The following MYRFL variants were observed in gnomAD, a reference collection of about 807,000 sequenced individuals.
MYRFL encodes the protein myelin regulatory factor-like protein.
A neutral mutation model predicts 109.4 loss-of-function variants in MYRFL; 88 were observed. The observed-to-expected ratio is 0.80, with a 90% CI of 0.68 to 0.96. The LOEUF (loss-of-function observed/expected upper bound fraction) is 0.96, where lower values mean the gene tolerates loss of function less well. Among genes scored for constraint, MYRFL ranks in the 40% least tolerant of loss-of-function variants. The pLI is 0.00. For synonymous variants in MYRFL, 324 were observed against 320.9 expected (o/e 1.01, Z -0.10); for missense variants, 957 against 954.9 (o/e 1.00, Z -0.03).
intron 2 of MYRFL, among the ~76,000 whole-genome samples, chr12:69,860,640 C>T (rs952798754): frequency 5.9e-5 from 9 of 151,568 alleles, no homozygotes; most frequent in African/African-American, 2.2e-4. Context: ...CTTCTTTTCC[C>T]CCTTTCCTGC....
At chr12:69,929,931 A>C (rs1229399776) in intron 15 of MYRFL, among the ~76,000 whole-genome samples, 1 of 152,242 alleles carries the variant, frequency 6.6e-6, no homozygotes, top group Admixed American at 6.5e-5. Context: ...TGGCACATAG[A>C]AAGTGCTGCA....
chr12:69,927,891 T>G (rs1955147195), intron 15 of MYRFL, 143 bp downstream of exon 15: 1 of 717,544 alleles, frequency 1.4e-6, no homozygotes, highest in East Asian at 2.8e-5. Context: ...TGTTTAAATA[T>G]TAGCCCTCTA....
chr12:69,956,320 T>A (rs978751653), intron 22 of MYRFL, among the ~76,000 whole-genome samples: 1 of 152,126 alleles, frequency 6.6e-6, no homozygotes, highest in Non-Finnish European at 1.5e-5. Context: ...GTAAGGACAC[T>A]GCCCTTTCCT....
chr12:69,832,092 A>G (rs188405825), intron 1 of MYRFL, among the ~76,000 whole-genome samples: 3 of 152,218 alleles, frequency 2.0e-5, no homozygotes, highest in African/African-American at 7.2e-5. Flanking sequence ...GTGGTGGGTA[A>G]AACTAGTATT....
At chr12:69,867,599 G>A (rs1276098509) in intron 2 of MYRFL, among the ~76,000 whole-genome samples, 1 of 152,158 alleles carries the variant, frequency 6.6e-6, no homozygotes, top group East Asian at 1.9e-4. Context: ...ATTTTATTTC[G>A]TTCTAATGTT....
intron 2 of MYRFL, among the ~76,000 whole-genome samples, chr12:69,869,577 G>A (rs17107194): frequency 0.055 from 8,344 of 152,250 alleles, 774 homozygotes; most frequent in African/African-American, 0.19. Flanking sequence ...GTTTAACACA[G>A]TCTTTCGTAT....
chr12:69,829,688 C>A (rs1424470702), intron 1 of MYRFL, among the ~76,000 whole-genome samples: 1 of 152,134 alleles, frequency 6.6e-6, no homozygotes, highest in Admixed American at 6.5e-5. Context: ...TGCCCAGTAG[C>A]AGAATGGTCC....
At chr12:69,917,383 C>CTTTTTTT (rs56118035) in intron 13 of MYRFL, among the ~76,000 whole-genome samples, 28 of 102,502 alleles carry the variant, frequency 2.7e-4, no homozygotes, top group East Asian at 3.7e-4. Flanking sequence ...TATTCACTGA[C>CTTTTTTT]TTTTTTTTTT....
chr12:69,864,857 T>C (rs1408339083), intron 2 of MYRFL, among the ~76,000 whole-genome samples: 1 of 152,190 alleles, frequency 6.6e-6, no homozygotes, highest in Non-Finnish European at 1.5e-5. Context: ...TATATCCTTT[T>C]CTCTGACCTG....
At chr12:69,941,983 A>T (rs1202360719) in intron 19 of MYRFL, among the ~76,000 whole-genome samples, 1 of 150,958 alleles carries the variant, frequency 6.6e-6, no homozygotes, top group Non-Finnish European at 1.5e-5. Flanking sequence ...AGACTAAACC[A>T]GGAAGAAGCT....
chr12:69,881,084 C>T (rs2136333511), intron 5 of MYRFL, among the ~76,000 whole-genome samples: 1 of 151,402 alleles, frequency 6.6e-6, no homozygotes, highest in South Asian at 2.1e-4. Flanking sequence ...TGCTATGGCA[C>T]ATACTAGGGG....
rs1244534743 is a variant in MYRFL, at chr12:69,903,835, T to C, written c.1374T>C (p.Asn458=). Reference sequence around the variant, plus strand: ...CCTCTGACAGCCGGGCAAAGCAGAATATCCAGGAGGTGAGCACAGATTCAG... The same window carrying C: ...CCTCTGACAGCCGGGCAAAGCAGAACATCCAGGAGGTGAGCACAGATTCAG... The part of the protein sequence containing the change: ...MHPSDSRAKQ[N]IQEVDTNEQL... The change falls in exon 11 of 25, where the codon AAT becomes AAC. Residue 458 remains asparagine, a synonymous_variant. Transcript: ENST00000552032. 2.0e-6 allele frequency: 3 copies of C among 1,531,300 alleles called. No homozygotes were observed. The highest frequency in any genetic ancestry group is 1.7e-6 in the Non-Finnish European group (2 of 1,143,900). The allele number at this position is 1,531,300 out of a possible 1,614,324, so 94.9% of individuals were successfully genotyped here. A position where few individuals can be genotyped will look rare whatever the true frequency, so the allele number is the denominator to read the frequency against.
At chr12:69,931,070 A>G (rs577815179) in intron 15 of MYRFL, among the ~76,000 whole-genome samples, 1 of 152,316 alleles carries the variant, frequency 6.6e-6, no homozygotes, top group Non-Finnish European at 1.5e-5. Context: ...ACTGATAAAG[A>G]AAATGAGGAT....
At chr12:69,910,215 A>C in intron 12 of MYRFL, 138 bp downstream of exon 12, 3 of 637,590 alleles carry the variant, frequency 4.7e-6, no homozygotes, top group Non-Finnish European at 7.7e-6. Flanking sequence ...ACTCATAGTC[A>C]CTAGAACAGG....
intron 16 of MYRFL, among the ~76,000 whole-genome samples, chr12:69,932,976 G>A (rs1955318545): frequency 6.6e-6 from 1 of 151,990 alleles, no homozygotes; most frequent in African/African-American, 2.4e-5. Context: ...TGACCTTGGA[G>A]AAAGAAGTAA....
At chr12:69,870,099 C>CT (rs754843682) in intron 2 of MYRFL, among the ~76,000 whole-genome samples, 2,529 of 81,296 alleles carry the variant, frequency 0.031, 358 homozygotes, top group African/African-American at 0.054. Context: ...ATTTTTCTTC[C>CT]TTTTTTTTTT....
At chr12:69,958,367 A>G in intron 24 of MYRFL, 44 bp downstream of exon 24, 1 of 1,520,566 alleles carries the variant, frequency 6.6e-7, no homozygotes, top group Non-Finnish European at 8.8e-7. Context: ...AAAGAAATTG[A>G]GCAATAAAAA....
chr12:69,888,341 T>C (rs1471486903), intron 6 of MYRFL, among the ~76,000 whole-genome samples: 2 of 152,198 alleles, frequency 1.3e-5, no homozygotes, highest in Non-Finnish European at 2.9e-5. Flanking sequence ...TTTATATCAA[T>C]GAGACAGAAA....
chr12:69,947,609 G>A (rs1164912140), intron 19 of MYRFL, among the ~76,000 whole-genome samples: 2 of 152,146 alleles, frequency 1.3e-5, no homozygotes, highest in Non-Finnish European at 2.9e-5. Context: ...AAAGTAAAGA[G>A]CCTGTGGAGA....
Sources: gnomAD v4.1 joint callset for allele counts (sites outside exome capture counted in the v4.1 genomes callset) on GRCh38, gnomAD v4.1.1 for gene constraint, MANE v1.5 for transcripts, NCBI Gene and HGNC (gene_info 2026-07-23, HGNC 2026-07-21) for gene names.